SDK1: variants seen among roughly 807,000 people sequenced by gnomAD.
The protein encoded by SDK1 is protein sidekick-1.
A neutral mutation model predicts 245.5 loss-of-function variants in SDK1; 157 were observed. The observed-to-expected ratio is 0.64, with a 90% CI of 0.56 to 0.73. The LOEUF is 0.73. SDK1 is among the 30% of genes least tolerant of loss of function. The pLI is 0.00. For synonymous variants in SDK1, 1,647 were observed against 1,278.5 expected, an observed-to-expected ratio of 1.29 and a Z score of -6.15; for missense variants, 3,583 against 3,002.3, an observed-to-expected ratio of 1.19 and a Z score of -4.52.
chr7:4,217,300 G>A (rs180793550), intron 38 of SDK1, among the ~76,000 whole-genome samples: 6 of 120,944 alleles, frequency 5.0e-5, no homozygotes, highest in Admixed American at 1.6e-4. Flanking sequence ...CACACTACCT[G>A]GAGAACCAGG....
intron 1 of SDK1, among the ~76,000 whole-genome samples, chr7:3,324,277 A>G (rs956927978): frequency 6.6e-6 from 1 of 152,228 alleles, no homozygotes; most frequent in Non-Finnish European, 1.5e-5. Context: ...AAAGGAAGAC[A>G]AATAGTATAT....
At chr7:3,697,223 G>A (rs1375239209) in intron 4 of SDK1, among the ~76,000 whole-genome samples, 1 of 152,150 alleles carries the variant, frequency 6.6e-6, no homozygotes, top group Admixed American at 6.5e-5. Flanking sequence ...GTAGGGCTGT[G>A]GTTTTTAAAT....
intron 4 of SDK1, among the ~76,000 whole-genome samples, chr7:3,805,837 G>T (rs545209153): frequency 6.6e-6 from 1 of 152,290 alleles, no homozygotes; most frequent in East Asian, 1.9e-4. Context: ...GTCAAAGAAT[G>T]ACCAAATTAA....
At chr7:3,820,381 G>A (rs565942796) in intron 4 of SDK1, among the ~76,000 whole-genome samples, 5 of 152,068 alleles carry the variant, frequency 3.3e-5, no homozygotes, top group East Asian at 1.9e-4. Context: ...ATCTCTTGAC[G>A]TCACAATCTG....
chr7:3,731,731 A>G (rs901031937), intron 4 of SDK1, among the ~76,000 whole-genome samples: 1 of 152,200 alleles, frequency 6.6e-6, no homozygotes, highest in African/African-American at 2.4e-5. Context: ...AGGCATACAG[A>G]TTTAGGAAGA....
chr7:4,049,446 A>G lies in SDK1; in HGVS notation c.2701A>G (p.Ile901Val), dbSNP rs1789275408. Residue 901 changes from isoleucine to valine, a missense_variant, in exon 18 of 45, where the codon ATC (isoleucine) becomes GTC (valine). Coordinates refer to ENST00000404826, the MANE Select transcript of SDK1 (RefSeq NM_152744.4). ...TCCGCCTCAGCAGTTTATCAATGGC[A>G]TCAACCAGGGATACAAGGTACGTGG... ...NPPPQQFINGINQGYKLLAWP... is the reference protein window; with the variant it reads ...NPPPQQFINGVNQGYKLLAWP... 1.2e-6 allele frequency: 2 copies of G among 1,613,712 alleles called. No individual in the cohort carries two copies. Among genetic ancestry groups the G allele is most frequent in the Non-Finnish European group, 1.7e-6 (2 of 1,179,590 alleles).
intron 1 of SDK1, among the ~76,000 whole-genome samples, chr7:3,337,592 A>G (rs937868399): frequency 6.6e-6 from 1 of 152,234 alleles, no homozygotes; most frequent in African/African-American, 2.4e-5. Context: ...GCCAAGACAC[A>G]TCCTGATTAA....
intron 1 of SDK1, among the ~76,000 whole-genome samples, chr7:3,578,718 T>C (rs1216301226): frequency 6.6e-6 from 1 of 151,866 alleles, no homozygotes. Context: ...GTTTATAGGC[T>C]CTCTGCAGGA....
At chr7:3,337,682 C>T (rs1780239066) in intron 1 of SDK1, among the ~76,000 whole-genome samples, 1 of 152,110 alleles carries the variant, frequency 6.6e-6, no homozygotes, top group Admixed American at 6.5e-5. Context: ...GAAAACCAGT[C>T]CAAATGAGAG....
chr7:3,575,888 C>T (rs1181017427), intron 1 of SDK1, among the ~76,000 whole-genome samples: 1 of 151,928 alleles, frequency 6.6e-6, no homozygotes, highest in Non-Finnish European at 1.5e-5. Flanking sequence ...CAGAGTGAGG[C>T]TCATGAATAG....
chr7:4,099,838 A>G (rs10234430), intron 22 of SDK1, among the ~76,000 whole-genome samples: 58,950 of 151,174 alleles, frequency 0.39, 12,309 homozygotes, highest in African/African-American at 0.52. Flanking sequence ...GCTTGTTTTT[A>G]TCTAAAAGCA....
At chr7:4,050,908 G>A (rs1312883617) in intron 18 of SDK1, among the ~76,000 whole-genome samples, 4 of 139,896 alleles carry the variant, frequency 2.9e-5, no homozygotes, top group African/African-American at 1.1e-4. Flanking sequence ...ATTATATATA[G>A]TATATATAAT....
chr7:3,810,581 A>C (rs1779359796), intron 4 of SDK1, among the ~76,000 whole-genome samples: 1 of 152,230 alleles, frequency 6.6e-6, no homozygotes, highest in African/African-American at 2.4e-5. Context: ...AAATTTAAGA[A>C]ACATTGCTAT....
chr7:3,931,441 T>G (rs1012620585), intron 5 of SDK1, among the ~76,000 whole-genome samples: 1 of 152,216 alleles, frequency 6.6e-6, no homozygotes, highest in Non-Finnish European at 1.5e-5. Context: ...GTTCAAAACC[T>G]TATGGGGCTT....
intron 4 of SDK1, among the ~76,000 whole-genome samples, chr7:3,741,622 A>T (rs1209473240): frequency 1.3e-5 from 2 of 152,162 alleles, no homozygotes; most frequent in Non-Finnish European, 2.9e-5. Flanking sequence ...GATTTATGTA[A>T]ATTGCATAAA....
intron 1 of SDK1, among the ~76,000 whole-genome samples, chr7:3,347,843 G>A (rs1330692565): frequency 1.3e-5 from 2 of 151,712 alleles, no homozygotes; most frequent in African/African-American, 2.4e-5. Flanking sequence ...AATAATTTAT[G>A]CACTAGAGCG....
chr7:3,631,022 A>T (rs1782272979), intron 2 of SDK1, among the ~76,000 whole-genome samples: 1 of 151,928 alleles, frequency 6.6e-6, no homozygotes, highest in South Asian at 2.1e-4. Flanking sequence ...AGCTTCTGCC[A>T]CCCCAGCTCA....
chr7:3,451,204 G>A (rs1259361939), intron 1 of SDK1, among the ~76,000 whole-genome samples: 2 of 151,964 alleles, frequency 1.3e-5, no homozygotes, highest in Non-Finnish European at 2.9e-5. Flanking sequence ...TAGGGATGGG[G>A]GAGAGGGTGA....
At chr7:3,486,425 C>T (rs1276187345) in intron 1 of SDK1, among the ~76,000 whole-genome samples, 2 of 151,824 alleles carry the variant, frequency 1.3e-5, no homozygotes, top group Non-Finnish European at 2.9e-5. Flanking sequence ...TTTTTTATGT[C>T]TAATAATTTA....
Sources: allele counts gnomAD v4.1 joint callset (sites outside exome capture counted in the v4.1 genomes callset), GRCh38; gene constraint gnomAD v4.1.1; transcripts MANE v1.5; gene names NCBI Gene and HGNC (gene_info 2026-07-23, HGNC 2026-07-21).